The following RALGAPA2 variants were observed in gnomAD, a reference collection of about 807,000 sequenced individuals.
The protein encoded by RALGAPA2 is ral GTPase-activating protein subunit alpha-2.
RALGAPA2 carries 139 observed loss-of-function variants against 230.4 expected under a neutral mutation model. The ratio of observed to expected loss-of-function variants is 0.60; its 90% CI spans 0.53 to 0.69. The LOEUF (loss-of-function observed/expected upper bound fraction) is 0.69. RALGAPA2 is among the 30% of genes least tolerant of loss of function. RALGAPA2 has a pLI of 0.00. For synonymous variants in RALGAPA2, 847 were observed against 837.8 expected, an observed-to-expected ratio of 1.01 and a Z score of -0.19; for missense variants, 2,163 against 2,276.0, an observed-to-expected ratio of 0.95 and a Z score of 1.01.
chr20:20,633,103 TTC>T (rs140004613), intron 9 of RALGAPA2, among the ~76,000 whole-genome samples: 1,640 of 151,092 alleles, frequency 0.011, 29 homozygotes, highest in African/African-American at 0.038. Flanking sequence ...CCTCCCTCCC[TTC>T]TCTTTCTTTC....
intron 9 of RALGAPA2, among the ~76,000 whole-genome samples, chr20:20,632,524 A>G (rs1449779912): frequency 6.6e-6 from 1 of 152,238 alleles, no homozygotes; most frequent in Non-Finnish European, 1.5e-5. Flanking sequence ...CAATAAATAC[A>G]GGTGATGGTT....
Position 20,619,325 on chromosome 20 carries a change from T to C in RALGAPA2, c.1491A>G (p.Thr497=), listed in dbSNP as rs755711424. 2 of 1,611,508 alleles carry C rather than the reference T, an allele frequency of 1.2e-6. No individual in the cohort carries two copies. Among genetic ancestry groups the C allele is most frequent in the South Asian group, 2.2e-5 (2 of 90,678 alleles). Reference sequence around the variant, plus strand: ...CTTTCACATTTGTATTTTCCTCCTCTGTCACACACCCTCTGCTCATTGCAC... The same window carrying C: ...CTTTCACATTTGTATTTTCCTCCTCCGTCACACACCCTCTGCTCATTGCAC... The part of the protein sequence containing the change: ...FTSAMSRGCV[T]EEENTNVKAG... The change falls in exon 12 of 40, where the codon ACA becomes ACG. Residue 497 remains threonine (T), a synonymous_variant. Coordinates refer to ENST00000202677, the MANE Select transcript of RALGAPA2 (RefSeq NM_020343.4).
chr20:20,583,467 T>C (rs2065045702), intron 19 of RALGAPA2, among the ~76,000 whole-genome samples: 1 of 152,154 alleles, frequency 6.6e-6, no homozygotes, highest in Admixed American at 6.5e-5. Flanking sequence ...CTATGTATCA[T>C]TCAAGTGGCA....
chr20:20,458,368 CTGTT>C (rs1335936696), intron 37 of RALGAPA2, among the ~76,000 whole-genome samples: 3 of 147,790 alleles, frequency 2.0e-5, no homozygotes, highest in South Asian at 2.1e-4. Context: ...CATTTTGAAT[CTGTT>C]TGTCCAAAAA....
intron 19 of RALGAPA2, among the ~76,000 whole-genome samples, chr20:20,584,231 T>C (rs1049839067): frequency 6.6e-6 from 1 of 152,188 alleles, no homozygotes; most frequent in Admixed American, 6.5e-5. Flanking sequence ...TCTCATTCCA[T>C]TTCTAAGTAT....
intron 9 of RALGAPA2, among the ~76,000 whole-genome samples, chr20:20,631,822 A>G (rs1413636660): frequency 6.6e-6 from 1 of 152,188 alleles, no homozygotes; most frequent in African/African-American, 2.4e-5. Context: ...GGGACAGTCA[A>G]CTGCAGGGTA....
intron 26 of RALGAPA2, among the ~76,000 whole-genome samples, chr20:20,535,504 T>C (rs1344698818): frequency 1.3e-5 from 2 of 152,266 alleles, no homozygotes; most frequent in Non-Finnish European, 2.9e-5. Context: ...TTTGTAATCT[T>C]GCTTTTTCTC....
chr20:20,637,328 G>A, intron 8 of RALGAPA2, 35 bp downstream of exon 8: 1 of 1,487,528 alleles, frequency 6.7e-7, no homozygotes, highest in Non-Finnish European at 9.0e-7. Flanking sequence ...GCTTTCCTTT[G>A]GATATCCTCT....
intron 6 of RALGAPA2, among the ~76,000 whole-genome samples, chr20:20,640,446 T>G (rs981851974): frequency 6.6e-6 from 1 of 152,222 alleles, no homozygotes; most frequent in African/African-American, 2.4e-5. Context: ...CTCTACTTCG[T>G]GCTACTGCCA....
chr20:20,614,246 C>T (rs1314098876), intron 13 of RALGAPA2, among the ~76,000 whole-genome samples: 1 of 152,092 alleles, frequency 6.6e-6, no homozygotes, highest in East Asian at 1.9e-4. Flanking sequence ...TACAATTTTT[C>T]TTTTCTATAC....
chr20:20,668,837 G>A (rs1232549257), intron 3 of RALGAPA2, among the ~76,000 whole-genome samples: 2 of 152,088 alleles, frequency 1.3e-5, no homozygotes, highest in African/African-American at 4.8e-5. Flanking sequence ...AGAGATAAAG[G>A]GGCAGTGTTA....
chr20:20,576,779 T>C (rs1392367159), intron 20 of RALGAPA2, among the ~76,000 whole-genome samples: 1 of 152,148 alleles, frequency 6.6e-6, no homozygotes, highest in Non-Finnish European at 1.5e-5. Flanking sequence ...TTTATAGATC[T>C]ATTTGAATAG....
At chr20:20,558,104 A>C (rs542459068) in intron 23 of RALGAPA2, among the ~76,000 whole-genome samples, 6 of 152,088 alleles carry the variant, frequency 3.9e-5, no homozygotes, top group Non-Finnish European at 7.4e-5. Context: ...TCCTAGGTTC[A>C]AGCAATTCTC....
At chr20:20,519,378 G>A (rs932626854) in intron 31 of RALGAPA2, among the ~76,000 whole-genome samples, 4 of 152,070 alleles carry the variant, frequency 2.6e-5, no homozygotes, top group African/African-American at 9.7e-5. Context: ...ACTCTGTAGT[G>A]CTGCAAGCAT....
chr20:20,574,763 A>C (rs936759251), intron 20 of RALGAPA2, among the ~76,000 whole-genome samples: 1 of 152,036 alleles, frequency 6.6e-6, no homozygotes, highest in African/African-American at 2.4e-5. Flanking sequence ...AGACAATTCT[A>C]TCTCTATTTG....
chr20:20,462,977 T>C (rs927173063), intron 37 of RALGAPA2, among the ~76,000 whole-genome samples: 1 of 152,246 alleles, frequency 6.6e-6, no homozygotes, highest in African/African-American at 2.4e-5. Context: ...GGACTGATAA[T>C]TAGTAAACTG....
chr20:20,543,911 A>T (rs1181026189), intron 24 of RALGAPA2, among the ~76,000 whole-genome samples: 3 of 151,626 alleles, frequency 2.0e-5, no homozygotes, highest in East Asian at 1.9e-4. Flanking sequence ...AAAATAAATT[A>T]AAAAATAAAA....
rs1420401536 is a variant in RALGAPA2 at position 20,652,397 on chromosome 20, A to G, written c.328+1133T>C. On this transcript the variant is annotated intron_variant, in intron 4 of 39. Coordinates refer to ENST00000202677, the MANE Select transcript of RALGAPA2 (RefSeq NM_020343.4). ...AATTATTCAACTTTTCTTTTTTGTT[A>G]TCATCATACTTCTTTCATAGAGACA... is the stretch of plus-strand genomic sequence containing the variant. 3.9e-5 allele frequency among the ~76,000 whole-genome samples: 6 copies of G among 152,088 alleles called. No homozygotes were observed. The East Asian group carries it at 1.2e-3, about 29-fold the overall frequency.
intron 31 of RALGAPA2, among the ~76,000 whole-genome samples, chr20:20,520,305 T>C (rs1250308826): frequency 6.6e-6 from 1 of 152,204 alleles, no homozygotes; most frequent in African/African-American, 2.4e-5. Flanking sequence ...ATACCCACAT[T>C]CTACTCCCAT....
Sources: gnomAD v4.1 joint callset for allele counts (sites outside exome capture counted in the v4.1 genomes callset) on GRCh38, gnomAD v4.1.1 for gene constraint, MANE v1.5 for transcripts, NCBI Gene and HGNC (gene_info 2026-07-23, HGNC 2026-07-21) for gene names.